The following SYNE2 variants were observed in gnomAD, a reference collection of about 807,000 sequenced individuals.
SYNE2 encodes nesprin-2.
Under a neutral mutation model 856.3 loss-of-function variants are expected in SYNE2, and 431 were observed. That is an observed-to-expected ratio of 0.50 (90% CI 0.47 to 0.55). The LOEUF (loss-of-function observed/expected upper bound fraction) is 0.55, where lower values mean the gene tolerates loss of function less well. SYNE2 is among the 20% of genes least tolerant of loss of function. The pLI, the probability that SYNE2 is intolerant of heterozygous loss-of-function variation, is 0.00. For synonymous variants in SYNE2, 2,923 were observed against 2,872.3 expected (o/e 1.02, Z -0.56); for missense variants, 8,129 against 8,023.2 (o/e 1.01, Z -0.50).
intron 54 of SYNE2, 113 bp from the exon 55 acceptor site, chr14:64,078,353 C>T: frequency 1.4e-6 from 2 of 1,397,444 alleles, no homozygotes; most frequent in Non-Finnish European, 2.0e-6. Context: ...TCCCCCAGCC[C>T]TTAAAAAATT....
At chr14:63,857,419 A>C (rs1056853477) in intron 1 of SYNE2, among the ~76,000 whole-genome samples, 19 of 152,334 alleles carry the variant, frequency 1.2e-4, no homozygotes, top group Admixed American at 1.0e-3. Flanking sequence ...GGCTATTAAA[A>C]ATAAAGCTGC....
chr14:63,954,341 T>C (rs1362230590), intron 7 of SYNE2, among the ~76,000 whole-genome samples: 4 of 152,168 alleles, frequency 2.6e-5, no homozygotes, highest in Admixed American at 1.3e-4. Context: ...GATTTGGTAA[T>C]GAAGGGCATC....
intron 1 of SYNE2, among the ~76,000 whole-genome samples, chr14:63,895,730 G>A (rs1410466709): frequency 7.3e-6 from 1 of 136,110 alleles, no homozygotes; most frequent in Non-Finnish European, 1.5e-5. Context: ...ATTGTGCACT[G>A]TACTCCAGCC....
chr14:64,156,091 A>G (rs764986863), intron 85 of SYNE2, among the ~76,000 whole-genome samples: 16 of 152,360 alleles, frequency 1.1e-4, no homozygotes, highest in African/African-American at 3.1e-4. Context: ...TGATGACCCC[A>G]GTTGGAACAT....
chr14:63,972,693 G>C (rs1207112897), intron 11 of SYNE2, among the ~76,000 whole-genome samples: 4 of 152,142 alleles, frequency 2.6e-5, no homozygotes, highest in Non-Finnish European at 5.9e-5. Flanking sequence ...GAAAGAAGAG[G>C]AACGAAAGGT....
chr14:64,021,164 T>C (rs1289514002), intron 35 of SYNE2, 151 bp from the exon 36 acceptor site: 5 of 687,500 alleles, frequency 7.3e-6, no homozygotes, highest in African/African-American at 1.8e-5. Flanking sequence ...AAATTCAAAT[T>C]GTATCAGTGA....
At chr14:64,129,742 T>C in intron 74 of SYNE2, 40 bp from the exon 75 acceptor site, 2 of 1,613,212 alleles carry the variant, frequency 1.2e-6, no homozygotes, top group East Asian at 2.2e-5. Context: ...TTCTCTGACT[T>C]ACTGAAGGGT....
At chr14:64,126,913 A>T (rs139396329) in intron 73 of SYNE2, 106 bp downstream of exon 73, 3 of 1,226,594 alleles carry the variant, frequency 2.4e-6, no homozygotes, top group Non-Finnish European at 3.5e-6. Context: ...AGAATTGCTA[A>T]GGGAAATGAT....
intron 1 of SYNE2, among the ~76,000 whole-genome samples, chr14:63,770,580 A>T (rs2139703700): frequency 6.6e-6 from 1 of 152,304 alleles, no homozygotes; most frequent in South Asian, 2.1e-4. Context: ...CAGGAGGATC[A>T]CTTGAGCCAG....
At chr14:64,191,415 G>A (rs910841314) in intron 99 of SYNE2, among the ~76,000 whole-genome samples, 2 of 152,158 alleles carry the variant, frequency 1.3e-5, no homozygotes, top group Non-Finnish European at 2.9e-5. Context: ...ATTAGGAAGA[G>A]CCTTACAGAG....
chr14:63,996,921 A>G lies in SYNE2; in HGVS notation c.2941-26A>G, dbSNP rs1253153440. The stretch of plus-strand genomic sequence containing the variant: ...AATCATGTAAACTCACCAGAAGCAC[A>G]TTTCCTGCTTTATTTCTTCAATTAG... On this transcript the variant is annotated intron_variant, in intron 23 of 115. Coordinates refer to ENST00000555002, the MANE Select transcript of SYNE2 (RefSeq NM_182914.3). 4 of 1,607,428 alleles carry G rather than the reference A, an allele frequency of 2.5e-6. No individual in the cohort carries two copies. In the African/African-American group the frequency reaches 4.0e-5, roughly 16 times the overall value.
chr14:64,143,755 AACTT>A lies in SYNE2; in HGVS notation c.15307-16_15307-13del. 3 of 1,613,944 alleles carry A rather than the reference AACTT, an allele frequency of 1.9e-6. No homozygotes were observed. In the East Asian group the frequency reaches 6.7e-5, roughly 36 times the overall value. The stretch of plus-strand genomic sequence containing the variant: ...AACATTCATGACTGCTTTGGTGTTT[AACTT>A]TGCTTATTTTAGGAGTTTAGAATGG... On this transcript the variant is annotated splice_polypyrimidine_tract_variant and intron_variant, in intron 82 of 115. Transcript: ENST00000555002.
In SYNE2 at chr14:64,143,475, C is replaced by A. The variant is rs540666524; in HGVS notation, c.15307-297C>A. Among the ~76,000 whole-genome samples, 261 of 152,346 alleles carry A rather than the reference C, an allele frequency of 1.7e-3. 2 individuals carry two copies. The highest frequency in any genetic ancestry group is 3.3e-3 in the Non-Finnish European group (226 of 68,042). ...CTGACAGGCAGCCTCCCCCAGGAAG[C>A]TTTGTCATATCCTGGGTCGTGGTCA... On this transcript the variant is annotated intron_variant, in intron 82 of 115. Coordinates refer to ENST00000555002, the MANE Select transcript of SYNE2 (RefSeq NM_182914.3).
At chr14:64,084,101 T>G (rs1442400928) in intron 57 of SYNE2, 1 of 152,206 alleles carries the variant, frequency 6.6e-6, no homozygotes, top group Non-Finnish European at 1.5e-5. Flanking sequence ...ATTTTGTATT[T>G]TTAGTAGAGA....
chr14:64,174,985 C>G lies in SYNE2; in HGVS notation c.17277C>G (p.Ala5759=), dbSNP rs1193162727. 6 of 1,614,092 alleles carry G rather than the reference C, an allele frequency of 3.7e-6. No homozygotes were observed. Among genetic ancestry groups the G allele is most frequent in the Non-Finnish European group, 5.1e-6 (6 of 1,180,018 alleles). ...IHFQRRRTTC[A]LTLEAGEKLL... ...TTCAAAGGAGGCGAACTACCTGTGC[C>G]CTAACCTTGGAAGCTGGAGAAAAGT... is the stretch of plus-strand genomic sequence containing the variant. The change falls in exon 95 of 116, where the codon GCC becomes GCG. Residue 5759 remains alanine, a synonymous_variant. Coordinates refer to ENST00000555002, the MANE Select transcript of SYNE2 (RefSeq NM_182914.3).
chr14:63,895,530 G>A (rs1284033973), intron 1 of SYNE2, among the ~76,000 whole-genome samples: 4 of 149,076 alleles, frequency 2.7e-5, no homozygotes, highest in Non-Finnish European at 4.4e-5. Context: ...AAGTGCATGG[G>A]TCACTTAAGC....
chr14:63,917,858 ATT>A (rs746394151), intron 2 of SYNE2, among the ~76,000 whole-genome samples: 2 of 146,692 alleles, frequency 1.4e-5, no homozygotes, highest in Non-Finnish European at 1.5e-5. Flanking sequence ...TGTTTTTCAA[ATT>A]TTTTTTTTTT....
intron 78 of SYNE2, among the ~76,000 whole-genome samples, chr14:64,137,408 C>T (rs2098102661): frequency 1.3e-5 from 2 of 152,076 alleles, no homozygotes; most frequent in African/African-American, 4.8e-5. Flanking sequence ...CGCCACCACA[C>T]CTAGCTAATT....
Position 64,210,106 on chromosome 14 carries a change from C to A in SYNE2, c.18705C>A (p.Ala6235=), listed in dbSNP as rs760760956. 1 of 1,613,624 alleles carries A rather than the reference C, an allele frequency of 6.2e-7. No individual in the cohort carries two copies. The highest frequency in any genetic ancestry group is 8.5e-7 in the Non-Finnish European group (1 of 1,179,790). The change falls in exon 103 of 116, where the codon GCC becomes GCA. Residue 6235 remains alanine, a synonymous_variant. Coordinates refer to ENST00000555002, the MANE Select transcript of SYNE2 (RefSeq NM_182914.3). ...RWDNLQRRVT[A]VLRRLRHFTN... Reference sequence around the variant, plus strand: ...ACAACCTTCAGAGGCGGGTCACAGCCGTCCTGCGGAGACTCAGGGTGAGCT... The same window carrying A: ...ACAACCTTCAGAGGCGGGTCACAGCAGTCCTGCGGAGACTCAGGGTGAGCT...
Sources: gnomAD v4.1 joint callset for allele counts (sites outside exome capture counted in the v4.1 genomes callset) on GRCh38, gnomAD v4.1.1 for gene constraint, MANE v1.5 for transcripts, NCBI Gene and HGNC (gene_info 2026-07-23, HGNC 2026-07-21) for gene names.